Variants in KIF13A observed in about 807,000 individuals in gnomAD.
KIF13A encodes the protein kinesin family member 13A.
KIF13A carries 79 observed loss-of-function variants against 212.2 expected under a neutral mutation model. The observed-to-expected ratio is 0.37, with a 90% CI of 0.31 to 0.45. The LOEUF (loss-of-function observed/expected upper bound fraction) is 0.45, where lower values mean the gene tolerates loss of function less well. Ranked by LOEUF, KIF13A falls within the 20% of genes least tolerant of loss-of-function variation. The probability of loss-of-function intolerance (pLI) is 1.00; values close to 1 mark genes in which losing one functional copy is unlikely to be tolerated. For synonymous variants in KIF13A, 789 were observed against 808.6 expected (o/e 0.98, Z 0.41); for missense variants, 1,901 against 2,209.0 (o/e 0.86, Z 2.79).
At chr6:17,813,770 G>A (rs117859240) in intron 17 of KIF13A, among the ~76,000 whole-genome samples, 4 of 152,070 alleles carry the variant, frequency 2.6e-5, no homozygotes, top group East Asian at 3.9e-4. Context: ...AGAATGCCAC[G>A]GCTCTGATCC....
chr6:17,868,797 A>G (rs1769672299), intron 4 of KIF13A, among the ~76,000 whole-genome samples: 1 of 151,754 alleles, frequency 6.6e-6, no homozygotes, highest in African/African-American at 2.4e-5. Context: ...GTTCAAGGCC[A>G]GCCTGGCCAA....
At chr6:17,928,546 G>A (rs937043277) in intron 2 of KIF13A, among the ~76,000 whole-genome samples, 1 of 152,156 alleles carries the variant, frequency 6.6e-6, no homozygotes, top group South Asian at 2.1e-4. Flanking sequence ...GAGGGAAAAG[G>A]AAATCCGGAG....
At chr6:17,874,617 C>CT (rs1214001938) in intron 3 of KIF13A, among the ~76,000 whole-genome samples, 7 of 151,668 alleles carry the variant, frequency 4.6e-5, no homozygotes, top group Admixed American at 2.0e-4. Flanking sequence ...CATGTTTTAT[C>CT]TTTTTTTATT....
rs753174132 is a variant in KIF13A, at chr6:17,787,787, C to A, written c.3350G>T (p.Ser1117Ile). ...EYLDEQIKKVSNKTEKTEDDV... is the reference protein window; with the variant it reads ...EYLDEQIKKVINKTEKTEDDV... ...TTGATCTCACATACCTGTTTTATTG[C>A]TGACTTTTTTTATCTGTTCATCCAG... The change falls in exon 27 of 39, where the codon AGC becomes ATC. Residue 1117 changes from serine to isoleucine, a missense_variant. Physicochemically the swap from Ser to Ile is moderately radical, Grantham distance 142. Around this residue, in one of 5 missense-constraint regions of KIF13A, gnomAD observed 168 missense variants for 250.9 expected, o/e 0.67. Transcript: ENST00000259711. The surrounding 1 kb of genome is among the most constrained non-coding windows in gnomAD (Gnocchi z 4.6). The A allele has an allele frequency of 8.1e-6, 13 of 1,605,994 alleles. No individual in the cohort carries two copies. The South Asian group carries it at 1.4e-4, about 18-fold the overall frequency.
intron 2 of KIF13A, among the ~76,000 whole-genome samples, chr6:17,974,818 G>A (rs151121035): frequency 5.9e-4 from 90 of 152,282 alleles, no homozygotes; most frequent in African/African-American, 1.9e-3. Context: ...TTAATGCACT[G>A]GCCACATATA....
Position 17,805,335 on chromosome 6 carries a change from CTAATA to C in KIF13A, c.2304+135_2304+139del, listed in dbSNP as rs1048889851. On this transcript the variant is annotated intron_variant, in intron 19 of 38. Coordinates refer to ENST00000259711, the MANE Select transcript of KIF13A (RefSeq NM_022113.6). Reference sequence around the variant, plus strand: ...TCAAAATCACTTGTACTTTATTTTCCTAATATAATATCTAACGTATCATGAGCACA... The same window carrying C: ...TCAAAATCACTTGTACTTTATTTTCCTAATATCTAACGTATCATGAGCACA... The C allele has an allele frequency of 2.6e-4, 204 of 779,430 alleles. 1 individual carries two copies. Among genetic ancestry groups the C allele is most frequent in the Admixed American group, 8.1e-4 (28 of 34,754 alleles). The allele number at this position is 779,430 out of a possible 1,614,324, so 48.3% of individuals were successfully genotyped here.
chr6:17,880,488 C>T (rs991032245), intron 3 of KIF13A, among the ~76,000 whole-genome samples: 2 of 151,764 alleles, frequency 1.3e-5, no homozygotes, highest in East Asian at 3.9e-4. Context: ...ATTAGCCAAG[C>T]GTGGAGGCAC....
Position 17,789,126 on chromosome 6 carries a change from T to TC in KIF13A, c.3261+745dup, listed in dbSNP as rs1216604101. The stretch of plus-strand genomic sequence containing the variant: ...GACTGGGAACCGAACCCAGAAAGCT[T>TC]CATCTTGGTTTGCTGCTTTGACTAT... On this transcript the variant is annotated intron_variant, in intron 26 of 38. Coordinates refer to ENST00000259711, the MANE Select transcript of KIF13A (RefSeq NM_022113.6). This position sits in a 1 kb window ranked among gnomAD's most constrained non-coding sequence, Gnocchi z 4.8. Among the ~76,000 whole-genome samples the TC allele has an allele frequency of 6.6e-6, 1 of 152,180 alleles. No homozygotes were observed. The highest frequency in any genetic ancestry group is 1.5e-5 in the Non-Finnish European group (1 of 68,024).
intron 2 of KIF13A, among the ~76,000 whole-genome samples, chr6:17,959,199 T>A (rs1045188598): frequency 3.9e-5 from 6 of 152,198 alleles, no homozygotes; most frequent in African/African-American, 1.4e-4. Flanking sequence ...ATTCAATGTT[T>A]ACTCCGTGCT....
At chr6:17,887,800 T>C (rs1388117894) in intron 3 of KIF13A, among the ~76,000 whole-genome samples, 4 of 151,986 alleles carry the variant, frequency 2.6e-5, no homozygotes, top group African/African-American at 9.7e-5. Context: ...TTCAAGCAAT[T>C]CTCCTGCCTC....
At position 17,883,456 on chromosome 6, in the gene KIF13A, G is replaced by C. The variant is rs1283731072; in HGVS notation, c.160-10019C>G. On this transcript the variant is annotated intron_variant, in intron 3 of 38. Coordinates refer to ENST00000259711, the MANE Select transcript of KIF13A (RefSeq NM_022113.6). This position sits in a 1 kb window ranked among gnomAD's most constrained non-coding sequence, Gnocchi z 4.8. ...TCACATGTGACATCTGCTTAAAATAGCACAGATCAGTCAGTGTAAATCCTT... is the reference window on the plus strand; with the variant it reads ...TCACATGTGACATCTGCTTAAAATACCACAGATCAGTCAGTGTAAATCCTT... Among the ~76,000 whole-genome samples the C allele has an allele frequency of 6.6e-6, 1 of 152,150 alleles. No homozygotes were observed. The highest frequency in any genetic ancestry group is 1.5e-5 in the Non-Finnish European group (1 of 68,036).
Position 17,849,428 on chromosome 6 carries a change from G to A in KIF13A, c.779C>T (p.Ser260Phe), listed in dbSNP as rs554852294. 9 of 1,613,600 alleles carry A rather than the reference G, an allele frequency of 5.6e-6. No individual in the cohort carries two copies. The South Asian group carries it at 8.8e-5, about 16-fold the overall frequency. Residue 260 changes from serine (S) to phenylalanine (F), a missense_variant, in exon 9 of 39, where the codon TCT becomes TTT. Physicochemically the swap from Ser to Phe is radical, Grantham distance 155 (BLOSUM62 -2). Around this residue, in one of 5 missense-constraint regions of KIF13A, gnomAD observed 506 missense variants for 637.4 expected, o/e 0.79. Coordinates refer to ENST00000259711, the MANE Select transcript of KIF13A (RefSeq NM_022113.6). The surrounding 1 kb of genome is among the most constrained non-coding windows in gnomAD (Gnocchi z 5.7). The stretch of plus-strand genomic sequence containing the variant: ...TCGCTCTCCTGCAGCTCCTGTTTTA[G>A]ATACTCTTTCGCTACCCGCCAGGTC... ...LVDLAGSERV[S>F]KTGAAGERLK...
In KIF13A at chr6:17,804,497, T is replaced by C; in HGVS notation, c.2318A>G (p.Tyr773Cys). 2 of 1,598,198 alleles carry C rather than the reference T, an allele frequency of 1.3e-6. No homozygotes were observed. The highest frequency in any genetic ancestry group is 8.5e-7 in the Non-Finnish European group (1 of 1,171,668). ...KEKVPEAKRL[Y>C]GKRGDPFYEA... Reference sequence around the variant, plus strand: ...ATAGAAAGGGTCACCTCGTTTTCCGTAGAGTCTCTTTGCCTGAGAAGTAGG... The same window carrying C: ...ATAGAAAGGGTCACCTCGTTTTCCGCAGAGTCTCTTTGCCTGAGAAGTAGG... Residue 773 changes from tyrosine to cysteine, a missense_variant, in exon 20 of 39, where the codon TAC becomes TGC. Transcript: ENST00000259711.
At position 17,892,771 on chromosome 6, in the gene KIF13A, G is replaced by A. The variant is rs1168118437; in HGVS notation, c.159+5397C>T. Among the ~76,000 whole-genome samples, 1 of 152,194 alleles carries A rather than the reference G, an allele frequency of 6.6e-6. No homozygotes were observed. The highest frequency in any genetic ancestry group is 1.5e-5 in the Non-Finnish European group (1 of 68,036). On this transcript the variant is annotated intron_variant, in intron 3 of 38. Transcript: ENST00000259711. The surrounding 1 kb of genome is among the most constrained non-coding windows in gnomAD (Gnocchi z 4.7). The stretch of plus-strand genomic sequence containing the variant: ...TGCTGAACACAAGAAGGTACTGGAA[G>A]GGCAGTACACACAGAAAGGGCAGAG...
Position 17,829,109 on chromosome 6 carries a change from G to C in KIF13A, c.1402-739C>G, listed in dbSNP as rs929989182. On this transcript the variant is annotated intron_variant, in intron 13 of 38. Transcript: ENST00000259711. This position sits in a 1 kb window ranked among gnomAD's most constrained non-coding sequence, Gnocchi z 5.4. ...ATTACAGGTATGCGCCACCACGTCT[G>C]GCTAATTTTTATTTTTAGTACAGAT... Among the ~76,000 whole-genome samples, 2 of 152,052 alleles carry C rather than the reference G, an allele frequency of 1.3e-5. No homozygotes were observed. The highest frequency in any genetic ancestry group is 6.6e-5 in the Admixed American group (1 of 15,264).
chr6:17,909,403 G>A (rs1358155712), intron 2 of KIF13A, among the ~76,000 whole-genome samples: 1 of 152,032 alleles, frequency 6.6e-6, no homozygotes, highest in African/African-American at 2.4e-5. Context: ...GGGTGTGGTG[G>A]CGCGTGCCTG....
chr6:17,860,292 G>A (rs368601174), intron 4 of KIF13A, among the ~76,000 whole-genome samples: 3 of 151,962 alleles, frequency 2.0e-5, no homozygotes, highest in Non-Finnish European at 4.4e-5. Context: ...GGGTTCAAGC[G>A]ATTCTCCTGC....
chr6:17,854,618 T>C (rs1270044253), intron 6 of KIF13A, among the ~76,000 whole-genome samples: 3 of 134,758 alleles, frequency 2.2e-5, no homozygotes, highest in African/African-American at 8.4e-5. Flanking sequence ...TGCAGTGGCG[T>C]GATCTCAACT....
At chr6:17,760,828 T>G, downstream of KIF13A, 1 of 1,612,804 alleles carries the variant, frequency 6.2e-7, no homozygotes, top group Non-Finnish European at 8.5e-7. Flanking sequence ...GACGCCAAGC[T>G]GTGGCCTGAG....
Sources: allele counts gnomAD v4.1 joint callset (sites outside exome capture counted in the v4.1 genomes callset), GRCh38; gene constraint gnomAD v4.1.1; regional missense constraint gnomAD v4.1.1; non-coding constraint Gnocchi (gnomAD v3.1); transcripts MANE v1.5; gene names NCBI Gene and HGNC (gene_info 2026-07-23, HGNC 2026-07-21).